The following GALNT18 variants were observed in gnomAD, a reference collection of about 807,000 sequenced individuals.
The protein encoded by GALNT18 is polypeptide N-acetylgalactosaminyltransferase 18.
A neutral mutation model predicts 69.5 loss-of-function variants in GALNT18; 44 were observed. That is an observed-to-expected ratio of 0.63 (90% CI 0.50 to 0.81). GALNT18 has a LOEUF of 0.81. Ranked by LOEUF, GALNT18 falls within the 40% of genes least tolerant of loss-of-function variation. The probability of loss-of-function intolerance (pLI) is 0.00; values close to 1 mark genes in which losing one functional copy is unlikely to be tolerated. For missense variants in GALNT18, 715 were observed against 810.0 expected, an observed-to-expected ratio of 0.88 and a Z score of 1.42; for synonymous variants, 364 against 318.2, an observed-to-expected ratio of 1.14 and a Z score of -1.53.
intron 6 of GALNT18, chr11:11,352,746 T>G: frequency 6.2e-7 from 1 of 1,614,174 alleles, no homozygotes; most frequent in Non-Finnish European, 8.5e-7. Flanking sequence ...TAACGTCTGG[T>G]ACAATTGCTT....
At chr11:11,550,848 T>A (rs1858170882) in intron 1 of GALNT18, among the ~76,000 whole-genome samples, 1 of 152,232 alleles carries the variant, frequency 6.6e-6, no homozygotes, top group African/African-American at 2.4e-5. Context: ...ATGTGACTAG[T>A]GGCTACCATC....
At chr11:11,342,345 T>C (rs938887775) in intron 6 of GALNT18, among the ~76,000 whole-genome samples, 1 of 152,348 alleles carries the variant, frequency 6.6e-6, no homozygotes, top group Middle Eastern at 3.4e-3. Flanking sequence ...AATCAAGATC[T>C]CCTGGTGGAC....
At position 11,332,427 on chromosome 11, in the gene GALNT18, T is replaced by C. The variant is rs1226656486; in HGVS notation, c.1416+267A>G. On this transcript the variant is annotated intron_variant, in intron 8 of 10. Coordinates refer to ENST00000227756, the MANE Select transcript of GALNT18 (RefSeq NM_198516.3). The surrounding 1 kb of genome is among the most constrained non-coding windows in gnomAD (Gnocchi z 4.3). ...TAAGCTAACTGCTTTATTATGTGTT[T>C]TATTAAGCGGAATATGCAGGTGTGG... Among the ~76,000 whole-genome samples, 4 of 152,164 alleles carry C rather than the reference T, an allele frequency of 2.6e-5. No individual in the cohort carries two copies. Among genetic ancestry groups the C allele is most frequent in the Non-Finnish European group, 4.4e-5 (3 of 68,030 alleles).
Position 11,619,421 on chromosome 11 carries a change from T to C in GALNT18, c.235+1938A>G, listed in dbSNP as rs1004566377. 2.0e-5 allele frequency among the ~76,000 whole-genome samples: 3 copies of C among 152,206 alleles called. No individual in the cohort carries two copies. Among genetic ancestry groups the C allele is most frequent in the Non-Finnish European group, 4.4e-5 (3 of 68,040 alleles). ...ATGCTTCCTTTCAACTTCAACATCA[T>C]GCTTTTCCATGTGGAACCTTAGAAA... On this transcript the variant is annotated intron_variant, in intron 1 of 10. Transcript: ENST00000227756. This position sits in a 1 kb window ranked among gnomAD's most constrained non-coding sequence, Gnocchi z 4.9.
At chr11:11,547,367 G>A (rs909651316) in intron 1 of GALNT18, among the ~76,000 whole-genome samples, 3 of 152,320 alleles carry the variant, frequency 2.0e-5, no homozygotes, top group Admixed American at 6.5e-5. Flanking sequence ...CCCCTAGACA[G>A]TGAATGATGC....
intron 10 of GALNT18, among the ~76,000 whole-genome samples, chr11:11,289,725 G>C (rs895830830): frequency 6.6e-6 from 1 of 152,190 alleles, no homozygotes; most frequent in African/African-American, 2.4e-5. Context: ...GAAGGATTCT[G>C]TGAGGGCTGG....
chr11:11,403,652 G>A (rs1378024697), intron 3 of GALNT18, among the ~76,000 whole-genome samples: 1 of 152,174 alleles, frequency 6.6e-6, no homozygotes, highest in Non-Finnish European at 1.5e-5. Context: ...CTGTTATTCT[G>A]CCATGGGAGA....
intron 6 of GALNT18, chr11:11,352,813 C>T (rs760028962): frequency 1.2e-6 from 2 of 1,614,032 alleles, no homozygotes; most frequent in Admixed American, 1.7e-5. Flanking sequence ...GACACAGGGT[C>T]TTTTACAATG....
intron 9 of GALNT18, among the ~76,000 whole-genome samples, chr11:11,316,708 C>T (rs1400227853): frequency 6.6e-6 from 1 of 152,196 alleles, no homozygotes; most frequent in African/African-American, 2.4e-5. Context: ...CTTTTACAGT[C>T]TAGTAAATTT....
rs546541818 is a variant in GALNT18, at chr11:11,465,503, T to C, written c.236-16567A>G. 1.3e-3 allele frequency among the ~76,000 whole-genome samples: 192 copies of C among 152,190 alleles called. 4 individuals carry two copies. The South Asian group carries it at 0.038, about 30-fold the overall frequency. Reference sequence around the variant, plus strand: ...GTGATCCGTATCCATGGCAGCTCAGTAGCCACAGAAGCCAAAGCCACCTGG... The same window carrying C: ...GTGATCCGTATCCATGGCAGCTCAGCAGCCACAGAAGCCAAAGCCACCTGG... On this transcript the variant is annotated intron_variant, in intron 1 of 10. Transcript: ENST00000227756. This position sits in a 1 kb window ranked among gnomAD's most constrained non-coding sequence, Gnocchi z 5.7.
At chr11:11,448,630 GCA>G in intron 2 of GALNT18, 112 bp downstream of exon 2, 1 of 761,000 alleles carries the variant, frequency 1.3e-6, no homozygotes, top group Non-Finnish European at 2.0e-6. Context: ...CCTGGCTGAA[GCA>G]GGAAAGGGAC....
rs2133936959 is a variant in GALNT18 at position 11,595,725 on chromosome 11, A to G, written c.235+25634T>C. Reference sequence around the variant, plus strand: ...ATTGAGATGTTTTGCCTATTTTTTAATTGTGTCATTTATCACCTTTACTAT... The same window carrying G: ...ATTGAGATGTTTTGCCTATTTTTTAGTTGTGTCATTTATCACCTTTACTAT... On this transcript the variant is annotated intron_variant, in intron 1 of 10. Transcript: ENST00000227756. This position sits in a 1 kb window ranked among gnomAD's most constrained non-coding sequence, Gnocchi z 5.2. Among the ~76,000 whole-genome samples, 2 of 152,262 alleles carry G rather than the reference A, an allele frequency of 1.3e-5. No homozygotes were observed. The highest frequency in any genetic ancestry group is 3.4e-3 in the Middle Eastern group (1 of 294).
rs1197578539 is a variant in GALNT18 at position 11,432,798 on chromosome 11, C to T, written c.429-11G>A. On this transcript the variant is annotated splice_polypyrimidine_tract_variant and intron_variant, in intron 2 of 10. Transcript: ENST00000227756. This position sits in a 1 kb window ranked among gnomAD's most constrained non-coding sequence, Gnocchi z 5.8. ...GAGAGGTTACGGCACCTGCAAAGAA[C>T]AGCCAAGCGCTTAGATTTGTGACTC... The T allele has an allele frequency of 2.5e-6, 4 of 1,610,312 alleles. No individual in the cohort carries two copies. Among genetic ancestry groups the T allele is most frequent in the Admixed American group, 1.7e-5 (1 of 59,934 alleles).
chr11:11,302,147 G>A (rs4575264), intron 9 of GALNT18, among the ~76,000 whole-genome samples: 67,397 of 151,612 alleles, frequency 0.44, 15,610 homozygotes, highest in Middle Eastern at 0.54. Context: ...GTAGCACCCC[G>A]CTGGTCCCCA....
chr11:11,425,239 T>C lies in GALNT18; in HGVS notation c.595+7382A>G, dbSNP rs114084610. Reference sequence around the variant, plus strand: ...AGATATGGGAGGTTTCTAGCAAACATGGCCAGCATGAAGACCGGGTCCGTG... The same window carrying C: ...AGATATGGGAGGTTTCTAGCAAACACGGCCAGCATGAAGACCGGGTCCGTG... On this transcript the variant is annotated intron_variant, in intron 3 of 10. Coordinates refer to ENST00000227756, the MANE Select transcript of GALNT18 (RefSeq NM_198516.3). Among the ~76,000 whole-genome samples, 726 of 152,310 alleles carry C rather than the reference T, an allele frequency of 4.8e-3. 4 individuals carry two copies. The highest frequency in any genetic ancestry group is 0.017 in the African/African-American group (698 of 41,552).
chr11:11,588,976 C>A (rs1319303054), intron 1 of GALNT18, among the ~76,000 whole-genome samples: 1 of 152,160 alleles, frequency 6.6e-6, no homozygotes, highest in Non-Finnish European at 1.5e-5. Context: ...TGACTGAAGT[C>A]AAAGCTGGCA....
chr11:11,350,118 C>A (rs1850372815), intron 6 of GALNT18, among the ~76,000 whole-genome samples: 4 of 152,208 alleles, frequency 2.6e-5, no homozygotes, highest in Admixed American at 2.6e-4. Context: ...TGTCTGGAAG[C>A]TTTCCATGAA....
intron 9 of GALNT18, among the ~76,000 whole-genome samples, chr11:11,296,497 G>T (rs1279922699): frequency 1.3e-5 from 2 of 152,144 alleles, no homozygotes; most frequent in African/African-American, 4.8e-5. Context: ...TGGGGATGTG[G>T]GCTGTGAGAC....
rs1447998160 is a variant in GALNT18, at chr11:11,480,667, G to A, written c.236-31731C>T. Among the ~76,000 whole-genome samples, 1 of 152,200 alleles carries A rather than the reference G, an allele frequency of 6.6e-6. No individual in the cohort carries two copies. The highest frequency in any genetic ancestry group is 1.5e-5 in the Non-Finnish European group (1 of 68,050). On this transcript the variant is annotated intron_variant, in intron 1 of 10. Coordinates refer to ENST00000227756, the MANE Select transcript of GALNT18 (RefSeq NM_198516.3). The surrounding 1 kb of genome is among the most constrained non-coding windows in gnomAD (Gnocchi z 4.6). ...TGGGGATCACTGAGAGCAGAGAAGT[G>A]ACATTGAGAGGCTGGCTTCAGCCTC... is the stretch of plus-strand genomic sequence containing the variant.
Sources: gnomAD v4.1 joint callset for allele counts (sites outside exome capture counted in the v4.1 genomes callset) on GRCh38, gnomAD v4.1.1 for gene constraint, Gnocchi (gnomAD v3.1) non-coding constraint, MANE v1.5 for transcripts, NCBI Gene and HGNC (gene_info 2026-07-23, HGNC 2026-07-21) for gene names.